The following PPARGC1A variants were observed in gnomAD, a reference collection of about 807,000 sequenced individuals.
PPARGC1A encodes peroxisome proliferator-activated receptor gamma coactivator 1-alpha.
A neutral mutation model predicts 88.7 loss-of-function variants in PPARGC1A; 25 were observed. That is an observed-to-expected ratio of 0.28 (90% CI 0.21 to 0.39). The LOEUF is 0.39. Among genes scored for constraint, PPARGC1A ranks in the 10% least tolerant of loss-of-function variants. The pLI is 1.00. For missense variants in PPARGC1A, 880 were observed against 968.7 expected (o/e 0.91, Z 1.22); for synonymous variants, 363 against 355.6 (o/e 1.02, Z -0.24).
chr4:24,037,655 C>T, the PPARGC1A span, among the ~76,000 whole-genome samples: 1 of 152,162 alleles, frequency 6.6e-6, no homozygotes, highest in Non-Finnish European at 1.5e-5. Flanking sequence ...GACAGATTTC[C>T]AATAACATAA....
chr4:24,059,157 A>G, the PPARGC1A span, among the ~76,000 whole-genome samples: 4 of 152,212 alleles, frequency 2.6e-5, no homozygotes, highest in Non-Finnish European at 5.9e-5. Flanking sequence ...TGTGGCTATC[A>G]AAAGGGCAAA....
chr4:24,118,241 G>A, the PPARGC1A span, among the ~76,000 whole-genome samples: 1 of 152,154 alleles, frequency 6.6e-6, no homozygotes, highest in Admixed American at 6.5e-5. Context: ...TATGGGCCAA[G>A]GCAGGGACTC....
chr4:24,189,331 A>T, the PPARGC1A span, among the ~76,000 whole-genome samples: 1 of 152,146 alleles, frequency 6.6e-6, no homozygotes, highest in Non-Finnish European at 1.5e-5. Context: ...TAATAAAAAA[A>T]TTGAGGGAGG....
the PPARGC1A span, among the ~76,000 whole-genome samples, chr4:24,061,814 C>T: frequency 6.6e-6 from 1 of 152,218 alleles, no homozygotes; most frequent in Non-Finnish European, 1.5e-5. Context: ...CCATTTTCTT[C>T]TACCCAGTAT....
intron 2 of PPARGC1A, among the ~76,000 whole-genome samples, chr4:23,844,458 A>C (rs1319519309): frequency 9.2e-6 from 1 of 108,166 alleles, no homozygotes; most frequent in Non-Finnish European, 1.7e-5. Context: ...GAATATATTT[A>C]TTATATATTC....
chr4:24,445,044 C>A, the PPARGC1A span, among the ~76,000 whole-genome samples: 3 of 151,874 alleles, frequency 2.0e-5, no homozygotes, highest in Non-Finnish European at 4.4e-5. Context: ...CAGAGCAAGA[C>A]CCTGTCTCAA....
the PPARGC1A span, among the ~76,000 whole-genome samples, chr4:24,026,343 A>T: frequency 1.3e-5 from 2 of 152,126 alleles, no homozygotes; most frequent in African/African-American, 2.4e-5. Flanking sequence ...GCATACACAA[A>T]ATTCACAGTA....
chr4:24,081,520 GT>G, the PPARGC1A span, among the ~76,000 whole-genome samples: 4 of 152,264 alleles, frequency 2.6e-5, no homozygotes, highest in Admixed American at 1.3e-4. Flanking sequence ...CAAGAAGCTC[GT>G]GCCCAAAGCA....
the PPARGC1A span, among the ~76,000 whole-genome samples, chr4:24,108,387 A>T: frequency 1.4e-4 from 22 of 152,334 alleles, no homozygotes; most frequent in East Asian, 4.2e-3. Flanking sequence ...TTTTAAAACC[A>T]TTAGGCCAAA....
At chr4:24,023,244 ATCAAAT>A in the PPARGC1A span, among the ~76,000 whole-genome samples, 456 of 152,332 alleles carry the variant, frequency 3.0e-3, 4 homozygotes, top group African/African-American at 0.01. Flanking sequence ...AATATTTAAG[ATCAAAT>A]TCATTTTGAT....
At chr4:24,074,432 AT>A in the PPARGC1A span, among the ~76,000 whole-genome samples, 351 of 150,040 alleles carry the variant, frequency 2.3e-3, 1 homozygote, top group African/African-American at 7.6e-3. Flanking sequence ...ATTCAGAATA[AT>A]TTTTTTTTTG....
the PPARGC1A span, among the ~76,000 whole-genome samples, chr4:24,268,400 G>A: frequency 3.3e-5 from 5 of 152,250 alleles, no homozygotes; most frequent in East Asian, 9.7e-4. Context: ...TGATGGCCTT[G>A]CAAATGCATG....
the PPARGC1A span, among the ~76,000 whole-genome samples, chr4:24,055,218 C>G: frequency 6.6e-6 from 1 of 152,222 alleles, no homozygotes; most frequent in Non-Finnish European, 1.5e-5. Flanking sequence ...AATGTACTCT[C>G]TGATTGTGAA....
chr4:24,459,360 A>G, the PPARGC1A span, among the ~76,000 whole-genome samples: 1 of 152,076 alleles, frequency 6.6e-6, no homozygotes, highest in Non-Finnish European at 1.5e-5. Context: ...AATGAGTTAA[A>G]GATTATTTCT....
the PPARGC1A span, among the ~76,000 whole-genome samples, chr4:23,963,077 T>C: frequency 3.0e-4 from 45 of 152,276 alleles, 1 homozygote; most frequent in South Asian, 9.1e-3. Flanking sequence ...ATGGGGGCCA[T>C]CTATCTGCAA....
At chr4:24,289,219 CAAAAAA>C in the PPARGC1A span, among the ~76,000 whole-genome samples, 20 of 82,754 alleles carry the variant, frequency 2.4e-4, no homozygotes, top group Non-Finnish European at 3.1e-4. Context: ...GACTCCGTCT[CAAAAAA>C]AAAAAAAAAA....
chr4:24,440,129 G>A, the PPARGC1A span, among the ~76,000 whole-genome samples: 1 of 152,192 alleles, frequency 6.6e-6, no homozygotes, highest in Non-Finnish European at 1.5e-5. Flanking sequence ...AATCCTAGAA[G>A]GTCTATGTAT....
chr4:24,086,705 C>A, the PPARGC1A span, among the ~76,000 whole-genome samples: 1 of 151,812 alleles, frequency 6.6e-6, no homozygotes, highest in African/African-American at 2.4e-5. Flanking sequence ...GGGGGGTATT[C>A]AAAAAAACAC....
the PPARGC1A span, among the ~76,000 whole-genome samples, chr4:23,938,025 T>C: frequency 1.3e-5 from 2 of 151,990 alleles, no homozygotes; most frequent in Non-Finnish European, 2.9e-5. Context: ...AAAGAAACTA[T>C]CTAATGCTGT....
Sources: gnomAD v4.1 joint callset for allele counts (sites outside exome capture counted in the v4.1 genomes callset) on GRCh38, gnomAD v4.1.1 for gene constraint, MANE v1.5 for transcripts, NCBI Gene and HGNC (gene_info 2026-07-23, HGNC 2026-07-21) for gene names.